The following CEP120 variants were observed in gnomAD, a reference collection of about 807,000 sequenced individuals.
The protein encoded by CEP120 is centrosomal protein of 120 kDa.
A neutral mutation model predicts 126.5 loss-of-function variants in CEP120; 113 were observed. That is an observed-to-expected ratio of 0.89 (90% confidence interval 0.77 to 1.04). The LOEUF (loss-of-function observed/expected upper bound fraction) is 1.04, where lower values mean the gene tolerates loss of function less well. CEP120 is among the 50% of genes least tolerant of loss of function. The pLI, the probability that CEP120 is intolerant of heterozygous loss-of-function variation, is 0.00. For missense variants in CEP120, 1,230 were observed against 1,155.7 expected (o/e 1.06, Z -0.93); for synonymous variants, 400 against 394.3 (o/e 1.01, Z -0.17).
intron 1 of CEP120, 92 bp from the exon 2 acceptor site, chr5:123,418,607 T>C: frequency 1.7e-6 from 2 of 1,188,406 alleles, no homozygotes; most frequent in Non-Finnish European, 2.3e-6. Flanking sequence ...TGGTTTTTTT[T>C]TTTTTTTGAG....
intron 3 of CEP120, among the ~76,000 whole-genome samples, chr5:123,413,145 G>C (rs1410957389): frequency 6.6e-6 from 1 of 151,878 alleles, no homozygotes; most frequent in Non-Finnish European, 1.5e-5. Flanking sequence ...GGTGGTGCAC[G>C]CCTGTAATCC....
intron 4 of CEP120, among the ~76,000 whole-genome samples, chr5:123,399,783 G>C (rs982027679): frequency 1.2e-4 from 19 of 152,314 alleles, no homozygotes; most frequent in African/African-American, 4.6e-4. Context: ...TGGATAAGCA[G>C]AGGCCATATC....
intron 18 of CEP120, among the ~76,000 whole-genome samples, chr5:123,351,319 T>C (rs999592838): frequency 1.3e-5 from 2 of 152,208 alleles, no homozygotes; most frequent in Non-Finnish European, 2.9e-5. Flanking sequence ...TCATTTAACA[T>C]TGTTTTTGAG....
At chr5:123,407,809 A>G (rs1773796035) in intron 4 of CEP120, among the ~76,000 whole-genome samples, 1 of 152,224 alleles carries the variant, frequency 6.6e-6, no homozygotes. Context: ...AAGACAGAGC[A>G]ATTCTGGGCC....
At chr5:123,372,507 C>A (rs892669646) in intron 17 of CEP120, 143 bp downstream of exon 17, 11 of 800,354 alleles carry the variant, frequency 1.4e-5, no homozygotes, top group African/African-American at 3.6e-5. Context: ...CTAATAATGT[C>A]ACGTGCCTTT....
chr5:123,354,822 A>T (rs1479938927), intron 18 of CEP120, among the ~76,000 whole-genome samples: 2 of 151,836 alleles, frequency 1.3e-5, no homozygotes, highest in African/African-American at 4.8e-5. Flanking sequence ...TCTAGGGTAC[A>T]TGTGCACAAC....
intron 13 of CEP120, among the ~76,000 whole-genome samples, chr5:123,382,504 C>CA (rs1248343350): frequency 6.6e-6 from 1 of 152,044 alleles, no homozygotes; most frequent in Non-Finnish European, 1.5e-5. Flanking sequence ...AGTAACTTCC[C>CA]AATTTTACCC....
At chr5:123,402,908 GGA>G (rs1330973129) in intron 4 of CEP120, among the ~76,000 whole-genome samples, 13 of 152,184 alleles carry the variant, frequency 8.5e-5, no homozygotes, top group Admixed American at 7.2e-4. Flanking sequence ...AAGGCTTGGT[GGA>G]GAGAGTTCCT....
rs761044697 is a variant in CEP120, at chr5:123,386,567, C to G, written c.1531G>C (p.Ala511Pro). The G allele has an allele frequency of 3.8e-6, 6 of 1,586,838 alleles. No homozygotes were observed. Among genetic ancestry groups the G allele is most frequent in the Non-Finnish European group, 5.1e-6 (6 of 1,168,126 alleles). The stretch of plus-strand genomic sequence containing the variant: ...TGAGGCATAGTTGCAAAATCAAATG[C>G]ACAGTAAGACTGGGGAAGAAAAACT... ...MEVFLPQSYC[A>P]FDFATMPHQL... The change falls in exon 10 of 20, where the codon GCA becomes CCA. Residue 511 changes from alanine to proline, a missense_variant. Physicochemically the swap from Ala to Pro is conservative, Grantham distance 27 (BLOSUM62 -1). Coordinates refer to ENST00000306467, the MANE Select transcript of CEP120 (RefSeq NM_001375405.1).
intron 15 of CEP120, 132 bp from the exon 16 acceptor site, chr5:123,377,667 TTA>T: frequency 2.9e-6 from 2 of 680,080 alleles, no homozygotes; most frequent in East Asian, 6.2e-5. Context: ...TTTTTAGTTA[TTA>T]GAGAGTTAAT....
At chr5:123,358,206 CA>C (rs1228572034) in intron 18 of CEP120, 2 of 151,874 alleles carry the variant, frequency 1.3e-5, no homozygotes, top group Admixed American at 1.3e-4. Flanking sequence ...AAAATTATGA[CA>C]AAAAGCAAAG....
At position 123,387,778 on chromosome 5, in the gene CEP120, A is replaced by G. The variant is rs572442791; in HGVS notation, c.1430+654T>C. ...TACATTATTGTATTATATTTAATTT[A>G]TATCTCGGGCACAAAAGACTATAAA... On this transcript the variant is annotated intron_variant, in intron 9 of 19. Coordinates refer to ENST00000306467, the MANE Select transcript of CEP120 (RefSeq NM_001375405.1). Among the ~76,000 whole-genome samples, 40 of 152,230 alleles carry G rather than the reference A, an allele frequency of 2.6e-4. 1 individual carries two copies. The highest frequency in any genetic ancestry group is 4.7e-4 in the Non-Finnish European group (32 of 67,962).
intron 19 of CEP120, among the ~76,000 whole-genome samples, chr5:123,348,729 T>C (rs1768999046): frequency 6.6e-6 from 1 of 152,184 alleles, no homozygotes; most frequent in African/African-American, 2.4e-5. Context: ...GTTGAACCCT[T>C]AACCTCTAAT....
intron 19 of CEP120, 32 bp downstream of exon 19, chr5:123,349,912 G>A (rs1769089839): frequency 6.3e-7 from 1 of 1,598,018 alleles, no homozygotes; most frequent in Non-Finnish European, 8.5e-7. Flanking sequence ...CCAAACTTTG[G>A]CTTTTGAAAG....
At chr5:123,376,181 A>C (rs1313841135) in intron 16 of CEP120, among the ~76,000 whole-genome samples, 1 of 152,138 alleles carries the variant, frequency 6.6e-6, no homozygotes, top group African/African-American at 2.4e-5. Context: ...AGAACAGGAG[A>C]ATAATGTCCT....
At chr5:123,408,065 T>A (rs1773811240) in intron 4 of CEP120, among the ~76,000 whole-genome samples, 1 of 152,174 alleles carries the variant, frequency 6.6e-6, no homozygotes. Flanking sequence ...AGTTTTTATT[T>A]CTCCTTCACT....
At chr5:123,368,024 G>A (rs1770588725) in intron 17 of CEP120, among the ~76,000 whole-genome samples, 1 of 151,904 alleles carries the variant, frequency 6.6e-6, no homozygotes, top group African/African-American at 2.4e-5. Context: ...ACTTAAACAT[G>A]CTGGATGAAT....
rs765442609 is a variant in CEP120, at chr5:123,393,281, G to A, written c.810+19C>T. On this transcript the variant is annotated intron_variant, in intron 6 of 19. Transcript: ENST00000306467. ...TAAAAGACCACCTCCAGCTAAAAACGATTTGCTGCAATACTCACCTGCAGT... is the reference window on the plus strand; with the variant it reads ...TAAAAGACCACCTCCAGCTAAAAACAATTTGCTGCAATACTCACCTGCAGT... 3 of 1,611,988 alleles carry A rather than the reference G, an allele frequency of 1.9e-6. No individual in the cohort carries two copies. The highest frequency in any genetic ancestry group is 2.2e-5 in the East Asian group (1 of 44,850).
intron 3 of CEP120, 44 bp from the exon 4 acceptor site, chr5:123,412,584 G>T (rs756450640): frequency 1.4e-6 from 2 of 1,407,352 alleles, no homozygotes; most frequent in South Asian, 2.9e-5. Context: ...GTTAATAAGG[G>T]AAAAAACATA....
Sources: gnomAD v4.1 joint callset for allele counts (sites outside exome capture counted in the v4.1 genomes callset) on GRCh38, gnomAD v4.1.1 for gene constraint, MANE v1.5 for transcripts, NCBI Gene and HGNC (gene_info 2026-07-23, HGNC 2026-07-21) for gene names.